Variants in EFHC2 observed in about 807,000 individuals in gnomAD.
EFHC2 encodes EF-hand domain containing 2.
EFHC2 carries 18 observed loss-of-function variants against 52.7 expected under a neutral mutation model. The ratio of observed to expected loss-of-function variants is 0.34; its 90% CI spans 0.24 to 0.51. The LOEUF is 0.51. EFHC2 is among the 20% of genes least tolerant of loss of function. EFHC2 has a pLI of 0.97. For missense variants in EFHC2, 513 were observed against 562.5 expected, an observed-to-expected ratio of 0.91 and a Z score of 0.89; for synonymous variants, 203 against 204.1, an observed-to-expected ratio of 0.99 and a Z score of 0.04.
At chrX:44,319,941 T>A (rs1352962259) in intron 1 of EFHC2, among the ~76,000 whole-genome samples, 2 of 110,604 alleles carry the variant, frequency 1.8e-5, no homozygotes, top group Admixed American at 9.6e-5. Flanking sequence ...TTTTTTATTT[T>A]TTTATTTTTT....
intron 11 of EFHC2, 113 bp from the exon 12 acceptor site, chrX:44,178,677 A>G (rs2036810501): frequency 1.7e-6 from 1 of 581,302 alleles, no homozygotes; most frequent in African/African-American, 2.4e-5. Flanking sequence ...TACCAACTGT[A>G]CAGAGGTCAT....
chrX:44,198,968 T>G (rs2036986713), intron 11 of EFHC2, among the ~76,000 whole-genome samples: 2 of 112,451 alleles, frequency 1.8e-5, no homozygotes, highest in Admixed American at 9.4e-5. Flanking sequence ...CTGATAGAAA[T>G]CAAAGCCAAT....
intron 8 of EFHC2, among the ~76,000 whole-genome samples, chrX:44,235,760 T>C (rs1363316658): frequency 8.9e-6 from 1 of 112,453 alleles, no homozygotes; most frequent in Non-Finnish European, 1.9e-5. Context: ...ACAAGGCTAG[T>C]CACCAATCAC....
At chrX:44,197,465 C>G (rs2036974070) in intron 11 of EFHC2, among the ~76,000 whole-genome samples, 2 of 111,513 alleles carry the variant, frequency 1.8e-5, no homozygotes, top group Admixed American at 1.9e-4. Context: ...TAATTTAGTT[C>G]ATGTCTTCAG....
chrX:44,156,917 GA>G (rs1423648118), intron 14 of EFHC2, among the ~76,000 whole-genome samples: 2 of 111,593 alleles, frequency 1.8e-5, no homozygotes, highest in Non-Finnish European at 3.8e-5. Context: ...TGAGACCATA[GA>G]TAGTCACATA....
At chrX:44,224,811 C>A (rs1480911894) in intron 11 of EFHC2, among the ~76,000 whole-genome samples, 1 of 112,200 alleles carries the variant, frequency 8.9e-6, no homozygotes, top group East Asian at 2.8e-4. Flanking sequence ...TACACACAGG[C>A]TACATGGGGC....
At chrX:44,185,941 C>T (rs917791677) in intron 11 of EFHC2, among the ~76,000 whole-genome samples, 4 of 112,185 alleles carry the variant, frequency 3.6e-5, no homozygotes, top group East Asian at 5.6e-4. Context: ...AAAAGAAGTA[C>T]ATCTGCAGTG....
In EFHC2 at chrX:44,177,994, G is replaced by A. The variant is rs764056294; in HGVS notation, c.1949+373C>T. ...AAAAAAAAAAAAATTAGCTGGGTGC[G>A]GTGGTGCGAGCCTGTAGTCCCAACT... On this transcript the variant is annotated intron_variant, in intron 12 of 14. Transcript: ENST00000420999. Among the ~76,000 whole-genome samples the A allele has an allele frequency of 7.3e-5, 8 of 109,272 alleles. No individual in the cohort carries two copies. In the South Asian group the frequency reaches 2.8e-3, roughly 38 times the overall value. 94.9% of individuals were successfully genotyped at this position (109,272 alleles called of 115,157 possible). A position where few individuals can be genotyped will look rare whatever the true frequency, so the allele number is the denominator to read the frequency against.
At chrX:44,282,116 T>C (rs980671862) in intron 2 of EFHC2, among the ~76,000 whole-genome samples, 2 of 110,339 alleles carry the variant, frequency 1.8e-5, no homozygotes, top group African/African-American at 6.6e-5. Flanking sequence ...AAGATGTTCT[T>C]TGCAGCTTTT....
chrX:44,262,816 G>A (rs150936813), intron 3 of EFHC2, among the ~76,000 whole-genome samples: 2 of 111,595 alleles, frequency 1.8e-5, no homozygotes, highest in Non-Finnish European at 3.8e-5. Flanking sequence ...TACATTACAG[G>A]AGAGTAACCC....
intron 11 of EFHC2, among the ~76,000 whole-genome samples, chrX:44,181,754 G>A (rs1040832443): frequency 5.3e-5 from 6 of 112,674 alleles, no homozygotes; most frequent in African/African-American, 1.9e-4. Context: ...CATGAGGCAG[G>A]TTCCTGCACG....
chrX:44,275,682 C>T (rs961689407), intron 2 of EFHC2, among the ~76,000 whole-genome samples: 3 of 107,797 alleles, frequency 2.8e-5, no homozygotes, highest in African/African-American at 6.8e-5. Flanking sequence ...GGGAAGCCGA[C>T]GCAGGTGGAT....
chrX:44,259,670 T>C (rs975655949), intron 4 of EFHC2, among the ~76,000 whole-genome samples: 4 of 112,400 alleles, frequency 3.6e-5, no homozygotes, highest in African/African-American at 1.3e-4. Flanking sequence ...AGTGAATGAC[T>C]GCAGCCATAT....
intron 1 of EFHC2, among the ~76,000 whole-genome samples, chrX:44,339,106 G>A: frequency 1.8e-5 from 2 of 109,943 alleles, no homozygotes; most frequent in Non-Finnish European, 3.8e-5. Context: ...CAGGAGAATC[G>A]ATTGAACCTG....
intron 14 of EFHC2, among the ~76,000 whole-genome samples, chrX:44,159,412 G>A (rs1323660495): frequency 8.9e-6 from 1 of 111,734 alleles, no homozygotes; most frequent in Non-Finnish European, 1.9e-5. Flanking sequence ...ACCCCTTCAT[G>A]CTAAATATTT....
chrX:44,231,390 C>T (rs929050773), intron 10 of EFHC2, among the ~76,000 whole-genome samples: 4 of 111,775 alleles, frequency 3.6e-5, no homozygotes, highest in African/African-American at 1.3e-4. Flanking sequence ...TGCTCTGGGG[C>T]TCCCCATCAG....
At chrX:44,301,326 C>G (rs746077256) in intron 2 of EFHC2, among the ~76,000 whole-genome samples, 6 of 109,358 alleles carry the variant, frequency 5.5e-5, no homozygotes, top group Non-Finnish European at 1.1e-4. Context: ...AACCCACTCC[C>G]CCCCCGACCA....
In EFHC2 at chrX:44,251,464, G is replaced by A. The variant is rs775606605; in HGVS notation, c.607-1019C>T. ...AATGCAAAAAAGTTTAGCCAGGTCC[G>A]GTGGCAGGTGCCAGTAATCCCAGCT... is the stretch of plus-strand genomic sequence containing the variant. On this transcript the variant is annotated intron_variant, in intron 4 of 14. Transcript: ENST00000420999. Among the ~76,000 whole-genome samples the A allele has an allele frequency of 2.8e-4, 28 of 101,108 alleles. No individual in the cohort carries two copies. The South Asian group carries it at 9.6e-3, about 35-fold the overall frequency. 87.8% of individuals were successfully genotyped at this position (101,108 alleles called of 115,157 possible).
chrX:44,298,582 G>A (rs1277943398), intron 2 of EFHC2, among the ~76,000 whole-genome samples: 1 of 111,205 alleles, frequency 9.0e-6, no homozygotes, highest in Non-Finnish European at 1.9e-5. Context: ...GCTCATTTTG[G>A]CCAGGTGTGG....
Sources: gnomAD v4.1 joint callset for allele counts (sites outside exome capture counted in the v4.1 genomes callset) on GRCh38, gnomAD v4.1.1 for gene constraint, MANE v1.5 for transcripts, NCBI Gene and HGNC (gene_info 2026-07-23, HGNC 2026-07-21) for gene names.